The following GRID2 variants were observed in gnomAD, a reference collection of about 807,000 sequenced individuals.
GRID2 encodes the protein glutamate ionotropic receptor delta type subunit 2, also known as glutamate receptor ionotropic, delta-2.
A neutral mutation model predicts 114.8 loss-of-function variants in GRID2; 33 were observed. The ratio of observed to expected loss-of-function variants is 0.29; its 90% CI spans 0.22 to 0.38. The LOEUF is 0.38. GRID2 is among the 10% of genes least tolerant of loss of function. The probability of loss-of-function intolerance (pLI) is 1.00; values close to 1 mark genes in which losing one functional copy is unlikely to be tolerated. For missense variants in GRID2, 1,184 were observed against 1,257.7 expected, an observed-to-expected ratio of 0.94 and a Z score of 0.89; for synonymous variants, 505 against 449.9, an observed-to-expected ratio of 1.12 and a Z score of -1.55.
At chr4:92,607,407 C>T (rs551454382) in intron 2 of GRID2, among the ~76,000 whole-genome samples, 1 of 151,702 alleles carries the variant, frequency 6.6e-6, no homozygotes, top group Non-Finnish European at 1.5e-5. Flanking sequence ...CAGTGTTTTT[C>T]CTTTATTTCA....
At chr4:93,382,562 CA>C (rs1471686860) in intron 8 of GRID2, among the ~76,000 whole-genome samples, 1 of 151,902 alleles carries the variant, frequency 6.6e-6, no homozygotes, top group Non-Finnish European at 1.5e-5. Context: ...TTTTTAGCTA[CA>C]AAATTTCTTT....
At chr4:93,719,543 G>C (rs1468519524) in intron 14 of GRID2, among the ~76,000 whole-genome samples, 2 of 151,870 alleles carry the variant, frequency 1.3e-5, no homozygotes, top group African/African-American at 2.4e-5. Context: ...GGCTACTTCC[G>C]CTCACAAGGC....
chr4:92,882,140 ATT>A (rs917134187), intron 2 of GRID2, among the ~76,000 whole-genome samples: 1 of 152,094 alleles, frequency 6.6e-6, no homozygotes, highest in African/African-American at 2.4e-5. Flanking sequence ...GTAGAGTTTT[ATT>A]TTAGAAGAAA....
At chr4:92,686,145 T>A (rs1419252689) in intron 2 of GRID2, among the ~76,000 whole-genome samples, 1 of 152,038 alleles carries the variant, frequency 6.6e-6, no homozygotes, top group Non-Finnish European at 1.5e-5. Context: ...AAGATTAACA[T>A]TGTAACCCAT....
At chr4:93,408,582 T>C (rs1038647072) in intron 9 of GRID2, among the ~76,000 whole-genome samples, 5 of 152,174 alleles carry the variant, frequency 3.3e-5, no homozygotes, top group African/African-American at 9.7e-5. Context: ...TAATAATTAA[T>C]TCAGTACTAC....
chr4:93,506,794 T>G (rs1297136438), intron 12 of GRID2, among the ~76,000 whole-genome samples: 1 of 152,152 alleles, frequency 6.6e-6, no homozygotes, highest in Non-Finnish European at 1.5e-5. Context: ...CTGCCTTGCC[T>G]GGTATCATTC....
At chr4:93,463,968 G>T (rs528356022) in intron 11 of GRID2, among the ~76,000 whole-genome samples, 23 of 151,920 alleles carry the variant, frequency 1.5e-4, no homozygotes, top group African/African-American at 5.3e-4. Flanking sequence ...CAGCCTGGGC[G>T]ACACAGCAAG....
chr4:92,379,487 A>G (rs995212789), intron 1 of GRID2, among the ~76,000 whole-genome samples: 2 of 152,092 alleles, frequency 1.3e-5, no homozygotes, highest in African/African-American at 4.8e-5. Context: ...ATTTATTACA[A>G]TGATAATTTT....
intron 1 of GRID2, among the ~76,000 whole-genome samples, chr4:93,779,688 A>G (rs893708): frequency 0.39 from 58,569 of 152,112 alleles, 12,074 homozygotes; most frequent in East Asian, 0.76. Flanking sequence ...AAAGAATAAC[A>G]TAGGCTGCAT....
At chr4:93,438,321 G>A (rs973959952) in intron 10 of GRID2, among the ~76,000 whole-genome samples, 1 of 152,120 alleles carries the variant, frequency 6.6e-6, no homozygotes, top group Non-Finnish European at 1.5e-5. Context: ...CTTCTGCCTG[G>A]GGAGTTGAAA....
intron 2 of GRID2, among the ~76,000 whole-genome samples, chr4:92,707,394 A>C (rs1289084731): frequency 6.6e-6 from 1 of 152,188 alleles, no homozygotes; most frequent in Admixed American, 6.5e-5. Flanking sequence ...TAAATTCTAA[A>C]GTTGGCATAA....
chr4:93,320,863 T>C (rs377560376), intron 8 of GRID2, among the ~76,000 whole-genome samples: 1 of 152,122 alleles, frequency 6.6e-6, no homozygotes, highest in South Asian at 2.1e-4. Context: ...ATATCTGTGA[T>C]ATTTTAATAA....
At chr4:93,661,033 T>G (rs7669474) in intron 14 of GRID2, among the ~76,000 whole-genome samples, 1 of 151,980 alleles carries the variant, frequency 6.6e-6, no homozygotes, top group Admixed American at 6.6e-5. Flanking sequence ...TGTGTTGGCT[T>G]TACAAACATC....
intron 2 of GRID2, among the ~76,000 whole-genome samples, chr4:93,004,531 T>C (rs1284028518): frequency 6.6e-6 from 1 of 152,080 alleles, no homozygotes; most frequent in Non-Finnish European, 1.5e-5. Flanking sequence ...CACACACTTA[T>C]GAATCCCGAG....
At chr4:92,684,384 A>T (rs1045018000) in intron 2 of GRID2, among the ~76,000 whole-genome samples, 5 of 152,060 alleles carry the variant, frequency 3.3e-5, no homozygotes, top group Non-Finnish European at 5.9e-5. Context: ...AAGGTTGTAC[A>T]GTGTAATTTT....
rs1031768241 is a variant in GRID2, at chr4:92,381,351, A to T, written c.88+76607A>T. Reference sequence around the variant, plus strand: ...CGATCACTTCTAATATGTACTTTACATGTGGGGAAAAGTAGGCTGCTCGTG... The same window carrying T: ...CGATCACTTCTAATATGTACTTTACTTGTGGGGAAAAGTAGGCTGCTCGTG... On this transcript the variant is annotated intron_variant, in intron 1 of 15. Transcript: ENST00000282020. 4.6e-5 allele frequency among the ~76,000 whole-genome samples: 7 copies of T among 152,052 alleles called. No homozygotes were observed. In the East Asian group the frequency reaches 5.8e-4, roughly 13 times the overall value.
intron 13 of GRID2, among the ~76,000 whole-genome samples, chr4:93,571,931 G>GTGGA (rs1735965438): frequency 6.6e-6 from 1 of 152,136 alleles, no homozygotes; most frequent in South Asian, 2.1e-4. Context: ...AAAAAGGATA[G>GTGGA]TGGATGGATC....
At chr4:93,522,723 G>T (rs2149500436) in intron 13 of GRID2, among the ~76,000 whole-genome samples, 1 of 152,190 alleles carries the variant, frequency 6.6e-6, no homozygotes, top group African/African-American at 2.4e-5. Flanking sequence ...AAACAAGAAG[G>T]ATAAAATTGG....
chr4:93,463,725 C>T (rs1249337331), intron 11 of GRID2, among the ~76,000 whole-genome samples: 3 of 151,746 alleles, frequency 2.0e-5, no homozygotes, highest in Non-Finnish European at 4.4e-5. Flanking sequence ...CGCGGTGGCT[C>T]ACGCCTGTAA....
Sources: gnomAD v4.1 joint callset for allele counts (sites outside exome capture counted in the v4.1 genomes callset) on GRCh38, gnomAD v4.1.1 for gene constraint, MANE v1.5 for transcripts, NCBI Gene and HGNC (gene_info 2026-07-23, HGNC 2026-07-21) for gene names.